ROBO2: variants seen among roughly 807,000 people sequenced by gnomAD.
ROBO2 encodes the protein roundabout guidance receptor 2.
Under a neutral mutation model 160.8 loss-of-function variants are expected in ROBO2, and 53 were observed. The ratio of observed to expected loss-of-function variants is 0.33; its 90% CI spans 0.26 to 0.41. The LOEUF (loss-of-function observed/expected upper bound fraction) is 0.41. Ranked by LOEUF, ROBO2 falls within the 10% of genes least tolerant of loss-of-function variation. The pLI is 1.00. For synonymous variants in ROBO2, 664 were observed against 611.7 expected, an observed-to-expected ratio of 1.09 and a Z score of -1.26; for missense variants, 1,577 against 1,722.4, an observed-to-expected ratio of 0.92 and a Z score of 1.49.
At chr3:77,416,585 C>T (rs568147755) in intron 2 of ROBO2, among the ~76,000 whole-genome samples, 1 of 151,958 alleles carries the variant, frequency 6.6e-6, no homozygotes, top group African/African-American at 2.4e-5. Flanking sequence ...GGTGCAGTGG[C>T]AGGTGCCTGT....
intron 2 of ROBO2, among the ~76,000 whole-genome samples, chr3:77,386,542 T>A (rs1045392961): frequency 2.0e-5 from 3 of 151,106 alleles, no homozygotes; most frequent in Admixed American, 6.6e-5. Flanking sequence ...ACAAGATATT[T>A]TATTAAAATA....
chr3:76,083,063 T>C (rs937695785), intron 2 of ROBO2, among the ~76,000 whole-genome samples: 7 of 152,040 alleles, frequency 4.6e-5, no homozygotes, highest in African/African-American at 1.7e-4. Flanking sequence ...ATAGGATGAA[T>C]TATGATGACA....
intron 2 of ROBO2, among the ~76,000 whole-genome samples, chr3:76,271,935 T>A (rs1707456465): frequency 6.6e-6 from 1 of 152,138 alleles, no homozygotes; most frequent in Non-Finnish European, 1.5e-5. Flanking sequence ...GAATATTTCT[T>A]TTCTAAATAT....
chr3:75,934,632 G>A (rs1576199413), intron 1 of ROBO2, among the ~76,000 whole-genome samples: 1 of 152,118 alleles, frequency 6.6e-6, no homozygotes, highest in South Asian at 2.1e-4. Flanking sequence ...TAGTAACTTG[G>A]CATTTATGAA....
intron 2 of ROBO2, among the ~76,000 whole-genome samples, chr3:76,759,363 AT>A (rs1480238698): frequency 6.6e-6 from 1 of 151,778 alleles, no homozygotes; most frequent in East Asian, 2.0e-4. Flanking sequence ...AAATCCAAAT[AT>A]TTTTTGACAA....
At chr3:77,315,737 T>G (rs1445634183) in intron 2 of ROBO2, among the ~76,000 whole-genome samples, 1 of 152,184 alleles carries the variant, frequency 6.6e-6, no homozygotes, top group African/African-American at 2.4e-5. Flanking sequence ...CAGCGTCTTA[T>G]TTTTAGAATA....
chr3:77,001,059 C>T (rs911809531), intron 2 of ROBO2, among the ~76,000 whole-genome samples: 37 of 152,258 alleles, frequency 2.4e-4, no homozygotes, highest in African/African-American at 8.7e-4. Context: ...TTTCTAGATA[C>T]AAGCACCAAC....
chr3:77,125,625 G>C (rs2075246798), intron 2 of ROBO2, among the ~76,000 whole-genome samples: 1 of 152,072 alleles, frequency 6.6e-6, no homozygotes, highest in Non-Finnish European at 1.5e-5. Context: ...AGTGTGATCT[G>C]AGTGAATCTA....
chr3:77,474,045 C>T (rs1342035295), intron 2 of ROBO2, among the ~76,000 whole-genome samples: 3 of 152,132 alleles, frequency 2.0e-5, no homozygotes. Flanking sequence ...TTACCTCTGG[C>T]CCCTTCCCTG....
intron 23 of ROBO2, among the ~76,000 whole-genome samples, chr3:77,628,445 TG>T (rs1317063337): frequency 2.3e-5 from 2 of 87,420 alleles, no homozygotes; most frequent in African/African-American, 9.0e-5. Context: ...TCTCTCTTTT[TG>T]TGGGGGGGGG....
intron 1 of ROBO2, among the ~76,000 whole-genome samples, chr3:75,907,978 T>G (rs1012383119): frequency 6.6e-6 from 1 of 152,092 alleles, no homozygotes; most frequent in African/African-American, 2.4e-5. Flanking sequence ...ATCATGATTG[T>G]AAGAATTTAC....
intron 2 of ROBO2, among the ~76,000 whole-genome samples, chr3:76,663,998 G>A (rs62261621): frequency 0.022 from 3,281 of 152,172 alleles, 55 homozygotes; most frequent in Non-Finnish European, 0.033. Flanking sequence ...GGGGGCAAAA[G>A]GGTATAAAAA....
At chr3:76,062,426 A>G (rs565757443) in intron 2 of ROBO2, among the ~76,000 whole-genome samples, 2 of 152,260 alleles carry the variant, frequency 1.3e-5, no homozygotes, top group African/African-American at 4.8e-5. Flanking sequence ...AAGAGTCCCT[A>G]TAGTTTTACA....
At chr3:76,315,530 T>TAA (rs1174567380) in intron 2 of ROBO2, among the ~76,000 whole-genome samples, 54 of 152,330 alleles carry the variant, frequency 3.5e-4, no homozygotes, top group African/African-American at 1.1e-3. Context: ...TTTTAATCTC[T>TAA]TATCTGCATG....
chr3:76,031,640 G>T (rs1469161980), intron 2 of ROBO2, among the ~76,000 whole-genome samples: 1 of 152,026 alleles, frequency 6.6e-6, no homozygotes, highest in Non-Finnish European at 1.5e-5. Context: ...TTTGTCTTTG[G>T]TTCTGTTTAT....
intron 7 of ROBO2, among the ~76,000 whole-genome samples, chr3:77,547,921 T>C (rs1194680414): frequency 6.6e-6 from 1 of 151,814 alleles, no homozygotes; most frequent in Non-Finnish European, 1.5e-5. Context: ...CTAAAGTAAG[T>C]GTAAGGCAGC....
intron 2 of ROBO2, among the ~76,000 whole-genome samples, chr3:76,818,233 C>T (rs1353404374): frequency 1.3e-5 from 2 of 152,038 alleles, no homozygotes; most frequent in Non-Finnish European, 2.9e-5. Context: ...TTGAATTTCC[C>T]TGATCATTAG....
intron 2 of ROBO2, among the ~76,000 whole-genome samples, chr3:77,418,361 G>C (rs114934549): frequency 6.6e-6 from 1 of 152,006 alleles, no homozygotes; most frequent in East Asian, 1.9e-4. Flanking sequence ...TTTCCAAATC[G>C]TGTACATTTT....
chr3:77,550,987 A>G, exon 8 of ROBO2: 1 of 1,612,598 alleles, frequency 6.2e-7, no homozygotes, highest in Non-Finnish European at 8.5e-7. Flanking sequence ...GAGGTTACTG[A>G]TGGTGCGATA....
Sources: gnomAD v4.1 joint callset for allele counts (sites outside exome capture counted in the v4.1 genomes callset) on GRCh38, gnomAD v4.1.1 for gene constraint, MANE v1.5 for transcripts, NCBI Gene and HGNC (gene_info 2026-07-23, HGNC 2026-07-21) for gene names.